ZC2HC1B: variants seen among roughly 807,000 people sequenced by gnomAD.
ZC2HC1B encodes the protein zinc finger C2HC-type containing 1B, also known as zinc finger C2HC domain-containing protein 1B.
ZC2HC1B carries 36 observed loss-of-function variants against 31.0 expected under a neutral mutation model. The observed-to-expected ratio is 1.16, with a 90% CI of 0.89 to 1.54. The LOEUF (loss-of-function observed/expected upper bound fraction) is 1.54, where lower values mean the gene tolerates loss of function less well. Ranked by LOEUF, ZC2HC1B falls within the 40% of genes most tolerant of loss-of-function variation. The probability of loss-of-function intolerance (pLI) is 0.00; values close to 1 mark genes in which losing one functional copy is unlikely to be tolerated. For synonymous variants in ZC2HC1B, 73 were observed against 88.0 expected, an observed-to-expected ratio of 0.83 and a Z score of 0.95; for missense variants, 260 against 268.6, an observed-to-expected ratio of 0.97 and a Z score of 0.22.
rs1253209005 is a variant in ZC2HC1B, at chr6:143,887,968, G to A, written c.349+1147G>A. Among the ~76,000 whole-genome samples, 2 of 151,912 alleles carry A rather than the reference G, an allele frequency of 1.3e-5. No individual in the cohort carries two copies. The highest frequency in any genetic ancestry group is 2.9e-5 in the Non-Finnish European group (2 of 67,942). ...TTCTTTTGTTGCCTGTGCTTTTGAT[G>A]TCATATCCAGAAATTAATCACCAAA... On this transcript the variant is annotated intron_variant, in intron 4 of 7. Coordinates refer to ENST00000237275, the MANE Select transcript of ZC2HC1B (RefSeq NM_001013623.3). The surrounding 1 kb of genome is among the most constrained non-coding windows in gnomAD (Gnocchi z 5.1).
At chr6:143,931,035 G>A (rs1034560786) in intron 6 of ZC2HC1B, among the ~76,000 whole-genome samples, 4 of 152,044 alleles carry the variant, frequency 2.6e-5, no homozygotes, top group African/African-American at 4.8e-5. Context: ...CCATTGGACT[G>A]GTCCTTGTAT....
chr6:143,909,908 T>G (rs1777839322), intron 6 of ZC2HC1B, among the ~76,000 whole-genome samples: 2 of 152,218 alleles, frequency 1.3e-5, no homozygotes, highest in Admixed American at 1.3e-4. Flanking sequence ...TGTTTTTACC[T>G]TCTTCAGTTT....
rs1367290494 is a variant in ZC2HC1B, at chr6:143,903,142, A to G, written c.588A>G (p.Pro196=). 2 of 1,552,042 alleles carry G rather than the reference A, an allele frequency of 1.3e-6. No individual in the cohort carries two copies. Among genetic ancestry groups the G allele is most frequent in the East Asian group, 4.9e-5 (2 of 40,940 alleles). The part of the protein sequence containing the change: ...NRVLVATNEV[P]TKSGLAMDPA... Reference sequence around the variant, plus strand: ...TCCTGGTGGCCACGAATGAAGTCCCAACCAAGTCAGGTGAGTCAAAGCACG... The same window carrying G: ...TCCTGGTGGCCACGAATGAAGTCCCGACCAAGTCAGGTGAGTCAAAGCACG... The change falls in exon 6 of 8, where the codon CCA becomes CCG. Residue 196 remains proline (P), a synonymous_variant. Transcript: ENST00000237275. This position sits in a 1 kb window ranked among gnomAD's most constrained non-coding sequence, Gnocchi z 4.3.
At position 143,905,678 on chromosome 6, in the gene ZC2HC1B, G is replaced by A. The variant is rs1777784170; in HGVS notation, c.598+2526G>A. Reference sequence around the variant, plus strand: ...TCAGTCTTTCAGCATTGAGTATGGTGATCTCTGTGGGTTTTACATGTATGG... The same window carrying A: ...TCAGTCTTTCAGCATTGAGTATGGTAATCTCTGTGGGTTTTACATGTATGG... On this transcript the variant is annotated intron_variant, in intron 6 of 7. Coordinates refer to ENST00000237275, the MANE Select transcript of ZC2HC1B (RefSeq NM_001013623.3). This position sits in a 1 kb window ranked among gnomAD's most constrained non-coding sequence, Gnocchi z 4.2. 1.3e-5 allele frequency among the ~76,000 whole-genome samples: 2 copies of A among 152,214 alleles called. No individual in the cohort carries two copies. The highest frequency in any genetic ancestry group is 4.1e-4 in the South Asian group (2 of 4,826).
intron 4 of ZC2HC1B, among the ~76,000 whole-genome samples, chr6:143,898,233 G>A (rs540536457): frequency 7.1e-4 from 108 of 152,182 alleles, no homozygotes; most frequent in African/African-American, 2.5e-3. Flanking sequence ...CCAGGCTGGA[G>A]TGCTGTGGCA....
At chr6:143,898,015 A>G (rs760665328) in intron 4 of ZC2HC1B, among the ~76,000 whole-genome samples, 18 of 152,216 alleles carry the variant, frequency 1.2e-4, no homozygotes, top group Non-Finnish European at 2.4e-4. Context: ...CATCACTTAA[A>G]CATTTCAAGG....
chr6:143,931,340 C>T (rs1204472057), intron 6 of ZC2HC1B, among the ~76,000 whole-genome samples: 4 of 152,130 alleles, frequency 2.6e-5, no homozygotes, highest in Admixed American at 6.5e-5. Flanking sequence ...CTGTTTTATT[C>T]TTCATGCTAG....
rs965623993 is a variant in ZC2HC1B, at chr6:143,872,679, C to T, written c.28+8112C>T. Among the ~76,000 whole-genome samples, 5 of 152,116 alleles carry T rather than the reference C, an allele frequency of 3.3e-5. No individual in the cohort carries two copies. The highest frequency in any genetic ancestry group is 1.2e-4 in the African/African-American group (5 of 41,396). On this transcript the variant is annotated intron_variant, in intron 1 of 7. Transcript: ENST00000237275. The surrounding 1 kb of genome is among the most constrained non-coding windows in gnomAD (Gnocchi z 5.5). ...CAGAATCATGGCAGAAGGCAAAAGG[C>T]ACTACTTACATGGTGGCAGCAAGAG...
intron 6 of ZC2HC1B, among the ~76,000 whole-genome samples, chr6:143,904,198 T>G (rs1464346536): frequency 1.3e-5 from 2 of 152,210 alleles, no homozygotes; most frequent in African/African-American, 4.8e-5. Context: ...GTTGTTTTGG[T>G]TTTTGCTAAC....
Position 143,908,723 on chromosome 6 carries a change from C to G in ZC2HC1B, c.598+5571C>G, listed in dbSNP as rs147364314. Among the ~76,000 whole-genome samples the G allele has an allele frequency of 1.3e-5, 2 of 152,290 alleles. No homozygotes were observed. Among genetic ancestry groups the G allele is most frequent in the Admixed American group, 1.3e-4 (2 of 15,304 alleles). On this transcript the variant is annotated intron_variant, in intron 6 of 7. Transcript: ENST00000237275. This position sits in a 1 kb window ranked among gnomAD's most constrained non-coding sequence, Gnocchi z 4.4. The stretch of plus-strand genomic sequence containing the variant: ...GATATAGGATCCTGTCATCTGCAAA[C>G]AAAGATAGTTTGACTTCCTCTCTTC...
chr6:143,910,906 C>A (rs192183438), intron 6 of ZC2HC1B, among the ~76,000 whole-genome samples: 49 of 152,236 alleles, frequency 3.2e-4, no homozygotes, highest in Middle Eastern at 3.4e-3. Flanking sequence ...GCACCCACCA[C>A]CATGCCCAGC....
rs545078902 is a variant in ZC2HC1B at position 143,926,055 on chromosome 6, CT to C, written c.599-11590del. Among the ~76,000 whole-genome samples the C allele has an allele frequency of 5.9e-5, 9 of 152,004 alleles. No homozygotes were observed. The South Asian group carries it at 1.7e-3, about 28-fold the overall frequency. On this transcript the variant is annotated intron_variant, in intron 6 of 7. Coordinates refer to ENST00000237275, the MANE Select transcript of ZC2HC1B (RefSeq NM_001013623.3). ...CTAGTGATTTATCAATTTTGTTTAT[CT>C]TTTCAAAAAACTAACTTTTCATTCC...
intron 6 of ZC2HC1B, among the ~76,000 whole-genome samples, chr6:143,929,936 GTC>G (rs1396254643): frequency 6.6e-6 from 1 of 152,078 alleles, no homozygotes; most frequent in Non-Finnish European, 1.5e-5. Flanking sequence ...CAGTTGTAAT[GTC>G]TCCTTTTTCT....
At chr6:143,881,201 G>A (rs777261423) in intron 1 of ZC2HC1B, among the ~76,000 whole-genome samples, 3 of 152,110 alleles carry the variant, frequency 2.0e-5, no homozygotes, top group Non-Finnish European at 4.4e-5. Flanking sequence ...GACCTTTGAA[G>A]ATGGGCTCGT....
Position 143,927,094 on chromosome 6 carries a change from G to A in ZC2HC1B, c.599-10555G>A, listed in dbSNP as rs149429078. Among the ~76,000 whole-genome samples the A allele has an allele frequency of 7.5e-3, 1,136 of 152,050 alleles. 11 individuals carry two copies. Among genetic ancestry groups the A allele is most frequent in the African/African-American group, 0.026 (1,078 of 41,450 alleles). The stretch of plus-strand genomic sequence containing the variant: ...ATTACAGGCGTGAGCCACCGCGCCC[G>A]GCCCGAATTGTATCTTCTTACCGAA... On this transcript the variant is annotated intron_variant, in intron 6 of 7. Coordinates refer to ENST00000237275, the MANE Select transcript of ZC2HC1B (RefSeq NM_001013623.3).
Position 143,886,076 on chromosome 6 carries a change from T to G in ZC2HC1B, c.135T>G (p.Arg45=). 1.3e-6 allele frequency: 2 copies of G among 1,548,500 alleles called. No homozygotes were observed. The highest frequency in any genetic ancestry group is 1.7e-6 in the Non-Finnish European group (2 of 1,146,034). The change falls in exon 3 of 8, where the codon CGT becomes CGG. Residue 45 remains arginine (R), a synonymous_variant. Coordinates refer to ENST00000237275, the MANE Select transcript of ZC2HC1B (RefSeq NM_001013623.3). The surrounding 1 kb of genome is among the most constrained non-coding windows in gnomAD (Gnocchi z 4.2). The stretch of plus-strand genomic sequence containing the variant: ...GTAAGAAACTCTTCAACAGAAAGCG[T>G]AAACCTTTCAGTTCTTTGAAGCAAA... ...PICKKLFNRK[R]KPFSSLKQRL...
At position 143,921,591 on chromosome 6, in the gene ZC2HC1B, G is replaced by A. The variant is rs960524234; in HGVS notation, c.599-16058G>A. ...CTTTGTTTTATTTCAAGCTCAAGAT[G>A]CTTTTTAAATTTAATTTCTTACTCT... is the stretch of plus-strand genomic sequence containing the variant. On this transcript the variant is annotated intron_variant, in intron 6 of 7. Coordinates refer to ENST00000237275, the MANE Select transcript of ZC2HC1B (RefSeq NM_001013623.3). The surrounding 1 kb of genome is among the most constrained non-coding windows in gnomAD (Gnocchi z 6.1). 6.6e-6 allele frequency among the ~76,000 whole-genome samples: 1 copy of A among 152,148 alleles called. No homozygotes were observed. Among genetic ancestry groups the A allele is most frequent in the African/African-American group, 2.4e-5 (1 of 41,438 alleles).
chr6:143,925,677 T>C (rs1306660827), intron 6 of ZC2HC1B, among the ~76,000 whole-genome samples: 2 of 151,896 alleles, frequency 1.3e-5, no homozygotes, highest in Non-Finnish European at 2.9e-5. Context: ...GCTGGGATTA[T>C]AGGCATGCGC....
rs569148636 is a variant in ZC2HC1B, at chr6:143,870,252, G to A, written c.28+5685G>A. Among the ~76,000 whole-genome samples the A allele has an allele frequency of 1.4e-4, 21 of 152,294 alleles. No individual in the cohort carries two copies. Among genetic ancestry groups the A allele is most frequent in the Admixed American group, 9.1e-4 (14 of 15,308 alleles). ...GGAAAATTTTCCCTCACCACTTTCAGGGATGTCCTAGGAAGGGGCTGTCCT... is the reference window on the plus strand; with the variant it reads ...GGAAAATTTTCCCTCACCACTTTCAAGGATGTCCTAGGAAGGGGCTGTCCT... On this transcript the variant is annotated intron_variant, in intron 1 of 7. Transcript: ENST00000237275. The surrounding 1 kb of genome is among the most constrained non-coding windows in gnomAD (Gnocchi z 4.7).
Sources: allele counts gnomAD v4.1 joint callset (sites outside exome capture counted in the v4.1 genomes callset), GRCh38; gene constraint gnomAD v4.1.1; non-coding constraint Gnocchi (gnomAD v3.1); transcripts MANE v1.5; gene names NCBI Gene and HGNC (gene_info 2026-07-23, HGNC 2026-07-21).